Variants in UNC80 observed in about 807,000 individuals in gnomAD.
UNC80 encodes protein unc-80 homolog.
In UNC80, 164 loss-of-function variants were observed where a neutral mutation model predicts 384.6. The observed-to-expected ratio is 0.43, with a 90% CI of 0.38 to 0.49. UNC80 has a LOEUF of 0.49. Ranked by LOEUF, UNC80 falls within the 20% of genes least tolerant of loss-of-function variation. UNC80 has a pLI of 0.00. For missense variants in UNC80, 3,330 were observed against 4,143.0 expected, an observed-to-expected ratio of 0.80 and a Z score of 5.39; for synonymous variants, 1,486 against 1,527.8, an observed-to-expected ratio of 0.97 and a Z score of 0.64.
intron 7 of UNC80, chr2:209,808,734 G>T: frequency 5.6e-5 from 3 of 53,300 alleles, no homozygotes; most frequent in Non-Finnish European, 6.5e-5. Flanking sequence ...ATTGCTCCAA[G>T]GCTCGGCCTA....
intron 17 of UNC80, 42 bp downstream of exon 17, chr2:209,834,210 G>T: frequency 1.3e-6 from 2 of 1,541,590 alleles, no homozygotes; most frequent in East Asian, 4.9e-5. Flanking sequence ...TTTGCCTTAA[G>T]TCAGTAGAAT....
chr2:209,917,618 G>T (rs1215815023), intron 31 of UNC80, among the ~76,000 whole-genome samples, 159 bp from the exon 32 acceptor site: 1 of 152,202 alleles, frequency 6.6e-6, no homozygotes, highest in Non-Finnish European at 1.5e-5. Context: ...AAGGTTGTGG[G>T]TGGTACAAAG....
chr2:209,890,490 A>C (rs1215526629), intron 26 of UNC80, among the ~76,000 whole-genome samples: 1 of 152,192 alleles, frequency 6.6e-6, no homozygotes, highest in African/African-American at 2.4e-5. Context: ...ATTTTCACAC[A>C]GACAAGCAAT....
At chr2:209,802,292 AG>A (rs899194342) in intron 7 of UNC80, among the ~76,000 whole-genome samples, 16 of 152,330 alleles carry the variant, frequency 1.1e-4, no homozygotes, top group South Asian at 6.2e-4. Flanking sequence ...AATTATTAAA[AG>A]AGCAGGTTTT....
chr2:209,808,007 A>G (rs1411557201), intron 7 of UNC80, among the ~76,000 whole-genome samples: 20 of 152,216 alleles, frequency 1.3e-4, no homozygotes, highest in Admixed American at 1.3e-3. Context: ...TTTTGATTAC[A>G]TAAGATACGG....
In UNC80 at chr2:209,872,399, T is replaced by A. The variant is rs762714364; in HGVS notation, c.3628-359T>A. ...TAAAATTTAGGGTTCAAAAAAAGATTCATCTTTAAGACCTCACTAAAAGCT... is the reference window on the plus strand; with the variant it reads ...TAAAATTTAGGGTTCAAAAAAAGATACATCTTTAAGACCTCACTAAAAGCT... On this transcript the variant is annotated intron_variant, in intron 22 of 64. Coordinates refer to ENST00000673920, the MANE Select transcript of UNC80 (RefSeq NM_001371986.1). This position sits in a 1 kb window ranked among gnomAD's most constrained non-coding sequence, Gnocchi z 4.1. Among the ~76,000 whole-genome samples the A allele has an allele frequency of 2.0e-5, 3 of 152,210 alleles. No homozygotes were observed. The highest frequency in any genetic ancestry group is 4.4e-5 in the Non-Finnish European group (3 of 68,034).
chr2:209,985,037 G>A, intron 61 of UNC80, 125 bp downstream of exon 61: 1 of 794,448 alleles, frequency 1.3e-6, no homozygotes. Flanking sequence ...TCCATTCCTT[G>A]CCCTTTGTTG....
chr2:209,802,409 C>T (rs550399610), intron 7 of UNC80, among the ~76,000 whole-genome samples: 2 of 152,140 alleles, frequency 1.3e-5, no homozygotes, highest in African/African-American at 4.8e-5. Flanking sequence ...TCACATTGTA[C>T]TTCATAAATA....
chr2:209,843,880 A>C (rs377496822), intron 21 of UNC80, among the ~76,000 whole-genome samples: 9 of 152,292 alleles, frequency 5.9e-5, no homozygotes, highest in African/African-American at 1.9e-4. Flanking sequence ...AATTTAGCAA[A>C]ACATGCCTAT....
At chr2:209,817,980 G>T in intron 11 of UNC80, 28 bp downstream of exon 11, 1 of 1,550,588 alleles carries the variant, frequency 6.4e-7, no homozygotes, top group Non-Finnish European at 8.7e-7. Flanking sequence ...CCTACGGGCA[G>T]GAGTTCAGAG....
At chr2:209,858,026 C>A (rs777616859) in intron 22 of UNC80, among the ~76,000 whole-genome samples, 1 of 152,198 alleles carries the variant, frequency 6.6e-6, no homozygotes, top group Non-Finnish European at 1.5e-5. Context: ...TACGTACGAT[C>A]AAACTCATTA....
chr2:209,862,020 A>G (rs2083379202), intron 22 of UNC80, among the ~76,000 whole-genome samples: 1 of 151,602 alleles, frequency 6.6e-6, no homozygotes, highest in South Asian at 2.1e-4. Flanking sequence ...AGCATTTTTC[A>G]TGTCTTTATC....
chr2:209,896,391 A>G lies in UNC80; in HGVS notation c.4559A>G (p.His1520Arg). 6.4e-7 allele frequency: 1 copy of G among 1,551,624 alleles called. No individual in the cohort carries two copies. The highest frequency in any genetic ancestry group is 8.7e-7 in the Non-Finnish European group (1 of 1,146,944). ...AATGCCGGCGCGGAGGAGAATTACC[A>G]CAGAAACATGTCGTGGCTTCATGTA... Reference protein sequence around the residue: ...MSNAGAEENYHRNMSWLHVMI... With the variant: ...MSNAGAEENYRRNMSWLHVMI... Residue 1520 changes from histidine (H) to arginine (R), a missense_variant, in exon 28 of 65, where the codon CAC (histidine) becomes CGC (arginine). Transcript: ENST00000673920.
At chr2:209,809,348 C>A (rs1319542732) in intron 7 of UNC80, 1 of 850,848 alleles carries the variant, frequency 1.2e-6, no homozygotes, top group Non-Finnish European at 2.0e-6. Flanking sequence ...TGCGGGAAGG[C>A]CTTCTCCAGA....
chr2:209,943,878 T>TA (rs2124982112), intron 45 of UNC80, among the ~76,000 whole-genome samples: 2 of 152,298 alleles, frequency 1.3e-5, no homozygotes, highest in South Asian at 4.1e-4. Context: ...GGCCAGTTGT[T>TA]ACAGAGGTTA....
chr2:209,788,679 AT>A (rs1220580281), intron 5 of UNC80, among the ~76,000 whole-genome samples: 1 of 150,186 alleles, frequency 6.7e-6, no homozygotes, highest in East Asian at 1.9e-4. Flanking sequence ...GAAATCACAT[AT>A]TTTTGTGCAG....
At chr2:209,865,775 T>C (rs995639508) in intron 22 of UNC80, among the ~76,000 whole-genome samples, 1 of 152,198 alleles carries the variant, frequency 6.6e-6, no homozygotes, top group African/African-American at 2.4e-5. Context: ...ATCTTAGATA[T>C]TCCTCCTAAG....
chr2:209,922,528 C>A, intron 35 of UNC80, 145 bp downstream of exon 35: 1 of 1,048,606 alleles, frequency 9.5e-7, no homozygotes, highest in Non-Finnish European at 1.3e-6. Flanking sequence ...ATTAGCATGG[C>A]ATCCTTTAAA....
At chr2:209,879,896 G>A (rs2085131356) in intron 24 of UNC80, among the ~76,000 whole-genome samples, 1 of 152,134 alleles carries the variant, frequency 6.6e-6, no homozygotes, top group Non-Finnish European at 1.5e-5. Flanking sequence ...AATATCTACA[G>A]AAAGACCGTA....
Sources: gnomAD v4.1 joint callset for allele counts (sites outside exome capture counted in the v4.1 genomes callset) on GRCh38, gnomAD v4.1.1 for gene constraint, Gnocchi (gnomAD v3.1) non-coding constraint, MANE v1.5 for transcripts, NCBI Gene and HGNC (gene_info 2026-07-23, HGNC 2026-07-21) for gene names.